FSTL5: variants seen among roughly 807,000 people sequenced by gnomAD.
FSTL5 encodes the protein follistatin like 5, also known as follistatin-related protein 5.
FSTL5 carries 62 observed loss-of-function variants against 89.1 expected under a neutral mutation model. The ratio of observed to expected loss-of-function variants is 0.70; its 90% confidence interval spans 0.57 to 0.86. The LOEUF (loss-of-function observed/expected upper bound fraction) is 0.86, where lower values mean the gene tolerates loss of function less well. Ranked by LOEUF, FSTL5 falls within the 40% of genes least tolerant of loss-of-function variation. FSTL5 has a pLI of 0.00. For synonymous variants in FSTL5, 383 were observed against 346.2 expected (o/e 1.11, Z -1.18); for missense variants, 1,057 against 1,001.6 (o/e 1.06, Z -0.75).
At chr4:161,398,279 A>C (rs768642953) in intron 15 of FSTL5, among the ~76,000 whole-genome samples, 1 of 152,114 alleles carries the variant, frequency 6.6e-6, no homozygotes, top group Non-Finnish European at 1.5e-5. Context: ...ACAAGTGCTT[A>C]AACAATGAAC....
intron 6 of FSTL5, among the ~76,000 whole-genome samples, chr4:161,685,360 T>C (rs1327019283): frequency 6.6e-6 from 1 of 152,202 alleles, no homozygotes; most frequent in African/African-American, 2.4e-5. Flanking sequence ...TTCACAGTAT[T>C]GATTCTACCC....
intron 11 of FSTL5, among the ~76,000 whole-genome samples, chr4:161,502,676 T>C (rs1439514713): frequency 6.6e-6 from 1 of 151,862 alleles, no homozygotes; most frequent in Admixed American, 6.6e-5. Context: ...GCCATTTACA[T>C]TTTTGCAAGG....
intron 10 of FSTL5, among the ~76,000 whole-genome samples, chr4:161,537,385 C>T (rs1731660166): frequency 6.6e-6 from 1 of 152,166 alleles, no homozygotes; most frequent in African/African-American, 2.4e-5. Context: ...AAAACAGCCA[C>T]ACTGTGGCAC....
chr4:161,893,893 C>A (rs985991407), intron 4 of FSTL5, among the ~76,000 whole-genome samples: 1 of 152,070 alleles, frequency 6.6e-6, no homozygotes, highest in Non-Finnish European at 1.5e-5. Context: ...TAAATATTTT[C>A]ATTGCATTTC....
chr4:161,769,432 C>T (rs1413467926), intron 5 of FSTL5, among the ~76,000 whole-genome samples: 1 of 151,840 alleles, frequency 6.6e-6, no homozygotes, highest in Non-Finnish European at 1.5e-5. Context: ...ACGCAAAAGT[C>T]CTCAGCAAAA....
chr4:161,860,275 G>C (rs188020788), intron 4 of FSTL5, among the ~76,000 whole-genome samples: 2 of 144,946 alleles, frequency 1.4e-5, no homozygotes, highest in African/African-American at 2.5e-5. Context: ...GCGACAGAGC[G>C]AGACTCCGTC....
intron 15 of FSTL5, among the ~76,000 whole-genome samples, chr4:161,398,953 G>A (rs561502481): frequency 1.3e-5 from 2 of 152,028 alleles, no homozygotes; most frequent in South Asian, 4.1e-4. Flanking sequence ...TTATGTAAAT[G>A]ACAAATGATA....
At chr4:161,519,701 G>C (rs1730960999) in intron 10 of FSTL5, among the ~76,000 whole-genome samples, 1 of 152,122 alleles carries the variant, frequency 6.6e-6, no homozygotes, top group African/African-American at 2.4e-5. Flanking sequence ...TCACACAAAT[G>C]AGTGTGATTT....
At chr4:161,554,285 A>T (rs910186452) in intron 8 of FSTL5, among the ~76,000 whole-genome samples, 2 of 151,582 alleles carry the variant, frequency 1.3e-5, no homozygotes, top group African/African-American at 4.8e-5. Context: ...GCCCACAGCA[A>T]CTTAACTGCA....
intron 10 of FSTL5, among the ~76,000 whole-genome samples, chr4:161,515,598 A>AT (rs1475228580): frequency 1.3e-5 from 2 of 150,356 alleles, no homozygotes; most frequent in African/African-American, 4.9e-5. Context: ...TATAAATATA[A>AT]TTTTTCATTC....
chr4:162,094,247 C>T (rs147156174), intron 2 of FSTL5, among the ~76,000 whole-genome samples: 2,729 of 152,090 alleles, frequency 0.018, 39 homozygotes, highest in South Asian at 0.055. Flanking sequence ...ATTAGCTGGG[C>T]GTGGTGGCAG....
At chr4:162,038,221 T>C (rs1212997464) in intron 2 of FSTL5, among the ~76,000 whole-genome samples, 1 of 151,916 alleles carries the variant, frequency 6.6e-6, no homozygotes, top group African/African-American at 2.4e-5. Context: ...AGCTAAATAA[T>C]AGCAAACTAT....
chr4:162,151,719 T>G (rs1388837), intron 1 of FSTL5, among the ~76,000 whole-genome samples: 35,380 of 152,136 alleles, frequency 0.23, 4,313 homozygotes, highest in Non-Finnish European at 0.26. Flanking sequence ...CAAATCCATT[T>G]AAGGCCAATA....
At chr4:161,740,901 C>T (rs577819497) in intron 6 of FSTL5, among the ~76,000 whole-genome samples, 1 of 152,254 alleles carries the variant, frequency 6.6e-6, no homozygotes, top group East Asian at 1.9e-4. Context: ...ACATATTCAG[C>T]ATCTGGTGAG....
At chr4:161,635,738 A>C (rs1295911522) in intron 7 of FSTL5, among the ~76,000 whole-genome samples, 2 of 152,186 alleles carry the variant, frequency 1.3e-5, no homozygotes, top group Admixed American at 6.5e-5. Context: ...AGTTGTAACA[A>C]AATATTGCAA....
intron 7 of FSTL5, among the ~76,000 whole-genome samples, chr4:161,605,448 C>A (rs964529804): frequency 3.0e-4 from 46 of 152,042 alleles, no homozygotes; most frequent in African/African-American, 1.1e-3. Context: ...AAGAGTATAT[C>A]TATTGTGGAA....
chr4:161,628,639 T>A (rs1170000312), intron 7 of FSTL5, among the ~76,000 whole-genome samples: 1 of 152,226 alleles, frequency 6.6e-6, no homozygotes, highest in African/African-American at 2.4e-5. Context: ...AAGTGTAACA[T>A]TAAATCCCAA....
intron 13 of FSTL5, among the ~76,000 whole-genome samples, chr4:161,461,176 G>A (rs956407936): frequency 2.0e-5 from 3 of 151,736 alleles, no homozygotes; most frequent in Non-Finnish European, 4.4e-5. Context: ...AGAGGAAAAG[G>A]CCGGGTGCGG....
chr4:161,992,948 A>C lies in FSTL5; in HGVS notation c.160+40677T>G, dbSNP rs1294740786. 4.9e-4 allele frequency among the ~76,000 whole-genome samples: 3 copies of C among 6,126 alleles called. 1 individual carries two copies. The highest frequency in any genetic ancestry group is 9.4e-4 in the African/African-American group (3 of 3,192). The allele number at this position is 6,126 out of a possible 152,430, so 4.0% of individuals were successfully genotyped here. A position where few individuals can be genotyped will look rare whatever the true frequency, so the allele number is the denominator to read the frequency against. On this transcript the variant is annotated intron_variant, in intron 3 of 15. Transcript: ENST00000306100. Reference sequence around the variant, plus strand: ...TATGTGTGTATATATATATGTGTGTATATCTATATATATATGTGTGTATAT... The same window carrying C: ...TATGTGTGTATATATATATGTGTGTCTATCTATATATATATGTGTGTATAT...
Sources: allele counts gnomAD v4.1 joint callset (sites outside exome capture counted in the v4.1 genomes callset), GRCh38; gene constraint gnomAD v4.1.1; transcripts MANE v1.5; gene names NCBI Gene and HGNC (gene_info 2026-07-23, HGNC 2026-07-21).